The following ANKRD28 variants were observed in gnomAD, a reference collection of about 807,000 sequenced individuals.
The protein encoded by ANKRD28 is ankyrin repeat domain 28, also known as serine/threonine-protein phosphatase 6 regulatory ankyrin repeat subunit A.
A neutral mutation model predicts 126.5 loss-of-function variants in ANKRD28; 44 were observed. The observed-to-expected ratio is 0.35, with a 90% confidence interval of 0.27 to 0.45. ANKRD28 has a LOEUF of 0.45. Among genes scored for constraint, ANKRD28 ranks in the 20% least tolerant of loss-of-function variants. The pLI, the probability that ANKRD28 is intolerant of heterozygous loss-of-function variation, is 1.00. For synonymous variants in ANKRD28, 442 were observed against 468.5 expected, an observed-to-expected ratio of 0.94 and a Z score of 0.73; for missense variants, 1,110 against 1,316.6, an observed-to-expected ratio of 0.84 and a Z score of 2.43.
Position 15,675,879 on chromosome 3 carries a change from G to C in ANKRD28, c.2965+19C>G, listed in dbSNP as rs768796028. The C allele has an allele frequency of 6.3e-7, 1 of 1,579,848 alleles. No individual in the cohort carries two copies. Among genetic ancestry groups the C allele is most frequent in the Admixed American group, 1.7e-5 (1 of 57,640 alleles). On this transcript the variant is annotated intron_variant, in intron 27 of 27. Coordinates refer to ENST00000683139, the MANE Select transcript of ANKRD28 (RefSeq NM_001349278.2). ...ATAAAAGCTCTAGGTTAAGGGAAGAGAATATAGAACCAACTTACCATTTTC... is the reference window on the plus strand; with the variant it reads ...ATAAAAGCTCTAGGTTAAGGGAAGACAATATAGAACCAACTTACCATTTTC...
intron 17 of ANKRD28, among the ~76,000 whole-genome samples, chr3:15,691,056 A>G (rs1029626810): frequency 2.5e-4 from 38 of 152,298 alleles, no homozygotes; most frequent in South Asian, 6.2e-4. Flanking sequence ...CTGCTTGAAT[A>G]TCACCACATA....
Position 15,734,120 on chromosome 3 carries a change from C to T in ANKRD28, c.640+1290G>A, listed in dbSNP as rs187083826. On this transcript the variant is annotated intron_variant, in intron 6 of 27. Coordinates refer to ENST00000683139, the MANE Select transcript of ANKRD28 (RefSeq NM_001349278.2). ...TCAGGGGATGTGAAACGCTCATACA[C>T]GGAGAGCCAACTTTTTGTACATAGG... 9.9e-5 allele frequency among the ~76,000 whole-genome samples: 15 copies of T among 152,268 alleles called. No homozygotes were observed. The East Asian group carries it at 2.1e-3, about 22-fold the overall frequency.
chr3:15,777,852 A>ACACACACACG (rs2059360061), intron 2 of ANKRD28, among the ~76,000 whole-genome samples: 1 of 68,652 alleles, frequency 1.5e-5, no homozygotes, highest in Non-Finnish European at 2.5e-5. Context: ...ACCAAACTAC[A>ACACACACACG]CACACACACA....
At chr3:15,822,314 G>A (rs1553643730) in intron 1 of ANKRD28, among the ~76,000 whole-genome samples, 1 of 152,168 alleles carries the variant, frequency 6.6e-6, no homozygotes, top group Non-Finnish European at 1.5e-5. Context: ...GTTGGGGGGA[G>A]ATCGAGGCAT....
chr3:15,827,654 G>C (rs2061097004), intron 1 of ANKRD28, among the ~76,000 whole-genome samples: 1 of 152,114 alleles, frequency 6.6e-6, no homozygotes, highest in African/African-American at 2.4e-5. Context: ...AAAACACAGG[G>C]GAAAAGCTTC....
chr3:15,796,269 C>A, intron 1 of ANKRD28, 136 bp downstream of exon 1: 2 of 342,634 alleles, frequency 5.8e-6, no homozygotes, highest in East Asian at 1.1e-4. Flanking sequence ...AAAAATACTG[C>A]ATCATATCTA....
At chr3:15,679,608 C>G in intron 21 of ANKRD28, 45 bp from the exon 22 acceptor site, 3 of 1,487,170 alleles carry the variant, frequency 2.0e-6, no homozygotes. Flanking sequence ...AAAGGAGATA[C>G]TGGCAAAAAT....
intron 3 of ANKRD28, among the ~76,000 whole-genome samples, chr3:15,759,880 T>G (rs1489550921): frequency 6.6e-6 from 1 of 152,180 alleles, no homozygotes; most frequent in Non-Finnish European, 1.5e-5. Context: ...TAAAAATCTT[T>G]CAGACGATCT....
rs1365714919 is a variant in ANKRD28, at chr3:15,838,195, A to G, written c.27+21182T>C. 3.3e-5 allele frequency among the ~76,000 whole-genome samples: 5 copies of G among 152,194 alleles called. No individual in the cohort carries two copies. Among genetic ancestry groups the G allele is most frequent in the African/African-American group, 9.6e-5 (4 of 41,462 alleles). On this transcript the variant is annotated intron_variant, in intron 1 of 27. Transcript: ENST00000399451. This position sits in a 1 kb window ranked among gnomAD's most constrained non-coding sequence, Gnocchi z 4.0. ...CACTGGTGAATTTTACCAAACACTAAAGAAATAATATTAATCCTTCACAAA... is the reference window on the plus strand; with the variant it reads ...CACTGGTGAATTTTACCAAACACTAGAGAAATAATATTAATCCTTCACAAA...
chr3:15,766,142 G>A (rs2058725291), intron 3 of ANKRD28, 92 bp downstream of exon 3: 2 of 908,552 alleles, frequency 2.2e-6, no homozygotes, highest in Admixed American at 2.5e-5. Context: ...ATGAACAACA[G>A]GCCATGCAGT....
intron 2 of ANKRD28, among the ~76,000 whole-genome samples, chr3:15,775,953 T>C (rs925995167): frequency 6.6e-6 from 1 of 152,182 alleles, no homozygotes; most frequent in Non-Finnish European, 1.5e-5. Context: ...GTTCAAGCCC[T>C]CTAATCATGC....
At chr3:15,771,624 AC>A (rs1052562954) in intron 2 of ANKRD28, among the ~76,000 whole-genome samples, 4 of 152,132 alleles carry the variant, frequency 2.6e-5, no homozygotes, top group African/African-American at 9.7e-5. Context: ...CTGGGAAGGC[AC>A]CAATCCATTT....
chr3:15,847,034 C>A (rs1043178334), intron 1 of ANKRD28, among the ~76,000 whole-genome samples: 1 of 152,078 alleles, frequency 6.6e-6, no homozygotes, highest in Admixed American at 6.5e-5. Flanking sequence ...GTCTTTACCA[C>A]AAGAGGTTTT....
Position 15,830,764 on chromosome 3 carries a change from G to C in ANKRD28, c.27+28613C>G, listed in dbSNP as rs1026676572. Among the ~76,000 whole-genome samples, 1 of 151,976 alleles carries C rather than the reference G, an allele frequency of 6.6e-6. No homozygotes were observed. Among genetic ancestry groups the C allele is most frequent in the Non-Finnish European group, 1.5e-5 (1 of 67,986 alleles). ...CTTGATAAAGAGTCGTTGTTTACCT[G>C]GGGGCTTTGGTCCATGACAGATAGT... On this transcript the variant is annotated intron_variant, in intron 1 of 27. Transcript: ENST00000399451. This position sits in a 1 kb window ranked among gnomAD's most constrained non-coding sequence, Gnocchi z 4.5.
chr3:15,744,121 G>A (rs961323051), intron 4 of ANKRD28, among the ~76,000 whole-genome samples: 26 of 152,210 alleles, frequency 1.7e-4, no homozygotes, highest in African/African-American at 6.0e-4. Context: ...TAACGATGGT[G>A]TAAGTGATAC....
In ANKRD28 at chr3:15,804,100, T is replaced by C. The variant is rs189889422; in HGVS notation, c.28-8794A>G. Among the ~76,000 whole-genome samples the C allele has an allele frequency of 1.2e-3, 180 of 145,508 alleles. 12 individuals are homozygous for C. The highest frequency in any genetic ancestry group is 6.8e-3 in the Middle Eastern group (2 of 292). On this transcript the variant is annotated intron_variant, in intron 1 of 27. Transcript: ENST00000399451. ...GCACTGATTAAACAATTATTAGACATTCATATCTCTACTATACATACCATG... is the reference window on the plus strand; with the variant it reads ...GCACTGATTAAACAATTATTAGACACTCATATCTCTACTATACATACCATG...
At position 15,677,543 on chromosome 3, in the gene ANKRD28, A is replaced by G. The variant is rs548971260; in HGVS notation, c.2727T>C (p.Ala909=). 38 of 1,612,540 alleles carry G rather than the reference A, an allele frequency of 2.4e-5. No homozygotes were observed. The highest frequency in any genetic ancestry group is 3.3e-4 in the Middle Eastern group (2 of 6,054). The change falls in exon 25 of 28, where the codon GCT becomes GCC. Residue 909 remains alanine, a synonymous_variant. Transcript: ENST00000683139. ...TATCTTGTAAAGTCAGTTCTGCACT[A>G]GCACTGCTAACCAGCATCTCTGGGA... ...TNTVEMLVSS[A]SAELTLQDNS...
intron 17 of ANKRD28, among the ~76,000 whole-genome samples, chr3:15,693,874 G>A (rs948433877): frequency 2.6e-5 from 4 of 152,010 alleles, no homozygotes; most frequent in African/African-American, 4.8e-5. Flanking sequence ...TAAAACACCC[G>A]CAAGGAGAAT....
intron 6 of ANKRD28, chr3:15,733,554 T>C (rs1463882035): frequency 6.6e-6 from 1 of 152,254 alleles, no homozygotes; most frequent in Non-Finnish European, 1.5e-5. Context: ...ATGCTTTATG[T>C]GACTATTCTT....
Sources: allele counts gnomAD v4.1 joint callset (sites outside exome capture counted in the v4.1 genomes callset), GRCh38; gene constraint gnomAD v4.1.1; non-coding constraint Gnocchi (gnomAD v3.1); transcripts MANE v1.5; gene names NCBI Gene and HGNC (gene_info 2026-07-23, HGNC 2026-07-21).